NEK11: variants seen among roughly 807,000 people sequenced by gnomAD.
The protein encoded by NEK11 is NIMA related kinase 11, also known as serine/threonine-protein kinase Nek11.
NEK11 carries 72 observed loss-of-function variants against 80.7 expected under a neutral mutation model. The ratio of observed to expected loss-of-function variants is 0.89; its 90% CI spans 0.74 to 1.08. NEK11 has a LOEUF of 1.08. Ranked by LOEUF, NEK11 falls within the 50% of genes least tolerant of loss-of-function variation. NEK11 has a pLI of 0.00. For synonymous variants in NEK11, 251 were observed against 260.7 expected (o/e 0.96, Z 0.36); for missense variants, 764 against 763.6 (o/e 1.00, Z -0.01).
intron 17 of NEK11, among the ~76,000 whole-genome samples, chr3:131,335,998 G>A (rs1026701020): frequency 2.6e-5 from 4 of 152,228 alleles, no homozygotes; most frequent in African/African-American, 9.7e-5. Context: ...AACATTCCAT[G>A]CTCATGGGTA....
chr3:131,295,183 C>CT (rs375133973), intron 17 of NEK11, among the ~76,000 whole-genome samples: 9 of 151,402 alleles, frequency 5.9e-5, no homozygotes, highest in South Asian at 2.1e-4. Context: ...TCCTTTCTGC[C>CT]TTTTTTTTAA....
chr3:131,042,091 C>G (rs1053127167), intron 3 of NEK11, among the ~76,000 whole-genome samples: 105 of 152,346 alleles, frequency 6.9e-4, no homozygotes, highest in African/African-American at 2.3e-3. Context: ...ACCTTTCCCA[C>G]AGTCTTCACA....
chr3:131,271,696 G>A (rs1581199541), intron 16 of NEK11, among the ~76,000 whole-genome samples: 1 of 152,124 alleles, frequency 6.6e-6, no homozygotes, highest in African/African-American at 2.4e-5. Flanking sequence ...TTGGGAGGCT[G>A]AGGCAGGAGA....
chr3:131,044,448 G>C (rs1298523359), intron 3 of NEK11, among the ~76,000 whole-genome samples: 1,203 of 31,466 alleles, frequency 0.038, 39 homozygotes, highest in African/African-American at 0.099. Flanking sequence ...AAAAAAGGTG[G>C]GGGGGGGGGT....
chr3:131,129,153 C>G (rs2083933050), intron 5 of NEK11, among the ~76,000 whole-genome samples: 1 of 147,074 alleles, frequency 6.8e-6, no homozygotes, highest in Admixed American at 7.0e-5. Flanking sequence ...CAGGTTCATG[C>G]CATTCTCCCG....
At chr3:131,151,455 G>C (rs1438551675) in intron 7 of NEK11, among the ~76,000 whole-genome samples, 2 of 151,872 alleles carry the variant, frequency 1.3e-5, no homozygotes, top group African/African-American at 4.8e-5. Flanking sequence ...ATAGTTCAAT[G>C]GTATTATTCA....
chr3:131,232,663 C>G (rs2095353254), intron 15 of NEK11, among the ~76,000 whole-genome samples: 1 of 152,198 alleles, frequency 6.6e-6, no homozygotes, highest in African/African-American at 2.4e-5. Context: ...CTTCTTGGAA[C>G]ATTGTCCCGG....
intron 7 of NEK11, among the ~76,000 whole-genome samples, chr3:131,141,300 TA>T (rs2086846671): frequency 6.6e-6 from 1 of 152,082 alleles, no homozygotes. Flanking sequence ...CAGCTGGGGA[TA>T]GGGGTAGAGA....
At chr3:131,071,665 T>C (rs1177046165) in intron 3 of NEK11, among the ~76,000 whole-genome samples, 2 of 152,102 alleles carry the variant, frequency 1.3e-5, no homozygotes, top group Non-Finnish European at 2.9e-5. Context: ...ATCATGTTGT[T>C]TTAGTTTTGA....
At chr3:131,173,892 A>C (rs747175195) in intron 14 of NEK11, among the ~76,000 whole-genome samples, 6 of 152,170 alleles carry the variant, frequency 3.9e-5, no homozygotes, top group Non-Finnish European at 8.8e-5. Context: ...TTCTTTGACC[A>C]CTTTGTTCAT....
intron 17 of NEK11, among the ~76,000 whole-genome samples, chr3:131,336,118 C>T (rs2110205321): frequency 6.6e-6 from 1 of 152,248 alleles, no homozygotes; most frequent in East Asian, 1.9e-4. Flanking sequence ...GAAAAAACTA[C>T]TTTAAAGTTC....
At chr3:131,293,001 T>A (rs192601555) in intron 17 of NEK11, among the ~76,000 whole-genome samples, 67 of 152,292 alleles carry the variant, frequency 4.4e-4, no homozygotes, top group African/African-American at 1.1e-3. Context: ...TCGATTTTTT[T>A]AAATTTTCTA....
At chr3:131,185,746 T>C (rs1230745432) in intron 14 of NEK11, among the ~76,000 whole-genome samples, 2 of 152,214 alleles carry the variant, frequency 1.3e-5, no homozygotes, top group Admixed American at 1.3e-4. Context: ...TAGTTTTCTC[T>C]GACTTAAAGT....
intron 16 of NEK11, among the ~76,000 whole-genome samples, chr3:131,247,086 T>C (rs2095615258): frequency 6.6e-6 from 1 of 152,064 alleles, no homozygotes; most frequent in African/African-American, 2.4e-5. Flanking sequence ...AATTCTGCTG[T>C]TTATTTCTTT....
chr3:131,123,107 C>T (rs965295821), intron 5 of NEK11, among the ~76,000 whole-genome samples: 1 of 152,178 alleles, frequency 6.6e-6, no homozygotes, highest in African/African-American at 2.4e-5. Context: ...ATTAGCCAAA[C>T]ATAGGATAAA....
intron 14 of NEK11, among the ~76,000 whole-genome samples, chr3:131,191,765 A>G (rs539865527): frequency 6.6e-6 from 1 of 152,292 alleles, no homozygotes; most frequent in East Asian, 1.9e-4. Context: ...GGAAGACTGG[A>G]TATCTCATGC....
chr3:131,042,211 GT>G lies in NEK11; in HGVS notation c.170+12343del, dbSNP rs34083203. Among the ~76,000 whole-genome samples, 187 of 149,530 alleles carry G rather than the reference GT, an allele frequency of 1.3e-3. 1 individual carries two copies. Among genetic ancestry groups the G allele is most frequent in the African/African-American group, 4.4e-3 (179 of 40,780 alleles). ...AGCTAGCTGCAGGTTTTTGTTTTTT[GT>G]TTTTTTTTTCCCTGTATCCCAGTGG... On this transcript the variant is annotated intron_variant, in intron 3 of 17. Transcript: ENST00000383366.
chr3:131,331,350 A>C (rs2097077916), intron 17 of NEK11, among the ~76,000 whole-genome samples: 1 of 152,188 alleles, frequency 6.6e-6, no homozygotes, highest in Non-Finnish European at 1.5e-5. Flanking sequence ...TGCTTTAAAA[A>C]TCCTTGTAAA....
At chr3:131,054,770 A>G (rs2069085277) in intron 3 of NEK11, among the ~76,000 whole-genome samples, 1 of 139,322 alleles carries the variant, frequency 7.2e-6, no homozygotes, top group African/African-American at 2.8e-5. Context: ...ATAAATAAAT[A>G]AATAAATAAA....
Sources: allele counts gnomAD v4.1 joint callset (sites outside exome capture counted in the v4.1 genomes callset), GRCh38; gene constraint gnomAD v4.1.1; transcripts MANE v1.5; gene names NCBI Gene and HGNC (gene_info 2026-07-23, HGNC 2026-07-21).